FBXW10B: variants seen among roughly 807,000 people sequenced by gnomAD.
The protein encoded by FBXW10B is F-box and WD repeat domain containing protein 10B.
the FBXW10B span, among the ~76,000 whole-genome samples, chr17:15,569,561 G>A: frequency 7.1e-6 from 1 of 140,694 alleles, no homozygotes; most frequent in Non-Finnish European, 1.5e-5. Flanking sequence ...TCCAGAACTC[G>A]TGATCCTCCC....
chr17:15,568,453 G>T, the FBXW10B span, among the ~76,000 whole-genome samples: 1 of 152,194 alleles, frequency 6.6e-6, no homozygotes, highest in Non-Finnish European at 1.5e-5. Flanking sequence ...TTACTTCTCA[G>T]GGAATGCGTC....
At chr17:15,577,991 A>G in the FBXW10B span, among the ~76,000 whole-genome samples, 1 of 148,806 alleles carries the variant, frequency 6.7e-6, no homozygotes, top group Non-Finnish European at 1.5e-5. Flanking sequence ...GAACGGAGAG[A>G]GAAAATGTCC....
the FBXW10B span, among the ~76,000 whole-genome samples, chr17:15,606,009 G>A: frequency 6.9e-6 from 1 of 144,236 alleles, no homozygotes; most frequent in Admixed American, 7.1e-5. Flanking sequence ...AGTATGAACA[G>A]GATGACCAAA....
At chr17:15,604,717 T>G in the FBXW10B span, among the ~76,000 whole-genome samples, 1 of 152,072 alleles carries the variant, frequency 6.6e-6, no homozygotes, top group Non-Finnish European at 1.5e-5. Flanking sequence ...TGTATTTTGT[T>G]TAGTAGAGAC....
chr17:15,598,481 C>T, the FBXW10B span: 5 of 1,612,910 alleles, frequency 3.1e-6, no homozygotes, highest in Admixed American at 1.7e-5. Context: ...ATTTTGGTAA[C>T]CTGTGGGTCG....
At chr17:15,603,174 G>A in the FBXW10B span, among the ~76,000 whole-genome samples, 18 of 151,612 alleles carry the variant, frequency 1.2e-4, no homozygotes, top group Admixed American at 4.6e-4. Context: ...GTGAGCCACC[G>A]CGCCTGGCCC....
chr17:15,608,984 C>T, the FBXW10B span, among the ~76,000 whole-genome samples: 1 of 150,230 alleles, frequency 6.7e-6, no homozygotes, highest in East Asian at 2.0e-4. Context: ...GTCCTCCCTC[C>T]TTCCCTCCCT....
the FBXW10B span, among the ~76,000 whole-genome samples, chr17:15,571,303 C>T: frequency 1.3e-5 from 2 of 151,612 alleles, no homozygotes; most frequent in Admixed American, 6.6e-5. Flanking sequence ...TAAGATCATG[C>T]CACTGCACTC....
chr17:15,600,547 A>T, the FBXW10B span, among the ~76,000 whole-genome samples: 2,282 of 149,730 alleles, frequency 0.015, 47 homozygotes, highest in African/African-American at 0.047. Flanking sequence ...GAAAAGAAGG[A>T]ACTTTCCAGA....
chr17:15,617,331 C>T, the FBXW10B span, among the ~76,000 whole-genome samples: 4 of 152,128 alleles, frequency 2.6e-5, no homozygotes, highest in African/African-American at 4.8e-5. Flanking sequence ...AGGAATTACA[C>T]ACCTTCAAGA....
the FBXW10B span, chr17:15,574,078 C>T: frequency 1.4e-6 from 1 of 705,728 alleles, no homozygotes; most frequent in Non-Finnish European, 2.6e-6. Context: ...TCTTCTTCAT[C>T]TGGTTGCCTC....
At chr17:15,588,860 T>G in the FBXW10B span, 1 of 1,614,198 alleles carries the variant, frequency 6.2e-7, no homozygotes, top group African/African-American at 1.3e-5. Flanking sequence ...AGCCCGTTGC[T>G]AGCTGTGTCC....
the FBXW10B span, among the ~76,000 whole-genome samples, chr17:15,584,439 C>T: frequency 6.6e-6 from 1 of 151,968 alleles, no homozygotes; most frequent in Non-Finnish European, 1.5e-5. Context: ...TATGTTTCTC[C>T]GAATAACTCA....
the FBXW10B span, among the ~76,000 whole-genome samples, chr17:15,570,566 G>A: frequency 1.3e-5 from 2 of 152,224 alleles, no homozygotes; most frequent in African/African-American, 4.8e-5. Context: ...CTGGACCTTG[G>A]TCAGTGTTGT....
chr17:15,598,622 G>A, the FBXW10B span: 148 of 1,612,776 alleles, frequency 9.2e-5, no homozygotes, highest in Middle Eastern at 1.6e-4. Flanking sequence ...CCGAAGATTC[G>A]TGTGCAAACC....
the FBXW10B span, chr17:15,593,404 A>C: frequency 1.4e-5 from 22 of 1,614,188 alleles, no homozygotes; most frequent in Non-Finnish European, 1.9e-5. Context: ...ACCTTCATAC[A>C]GTTCCCATTG....
chr17:15,585,345 A>T, the FBXW10B span, among the ~76,000 whole-genome samples: 5,037 of 152,172 alleles, frequency 0.033, 242 homozygotes, highest in African/African-American at 0.11. Context: ...AAAATTTTTT[A>T]AAAAAACCTA....
chr17:15,607,589 C>G, the FBXW10B span: 35 of 1,613,558 alleles, frequency 2.2e-5, no homozygotes, highest in Non-Finnish European at 2.8e-5. Flanking sequence ...AGAGAGAATG[C>G]GAACATTGTA....
At chr17:15,615,764 T>G in the FBXW10B span, 1 of 1,613,746 alleles carries the variant, frequency 6.2e-7, no homozygotes, top group Non-Finnish European at 8.5e-7. Flanking sequence ...GGAGCTGTGG[T>G]CTTTCTCAGG....
Sources: gnomAD v4.1 joint callset for allele counts (sites outside exome capture counted in the v4.1 genomes callset) on GRCh38, gnomAD v4.1.1 for gene constraint, MANE v1.5 for transcripts, NCBI Gene and HGNC (gene_info 2026-07-23, HGNC 2026-07-21) for gene names.